The following SYT14 variants were observed in gnomAD, a reference collection of about 807,000 sequenced individuals.
SYT14 encodes the protein synaptotagmin 14.
Under a neutral mutation model 74.2 loss-of-function variants are expected in SYT14, and 32 were observed. The observed-to-expected ratio is 0.43, with a 90% CI of 0.33 to 0.58. The LOEUF is 0.58. SYT14 is among the 20% of genes least tolerant of loss of function. The probability of loss-of-function intolerance (pLI) is 0.05; values close to 1 mark genes in which losing one functional copy is unlikely to be tolerated. For synonymous variants in SYT14, 298 were observed against 337.7 expected (o/e 0.88, Z 1.29); for missense variants, 791 against 981.8 (o/e 0.81, Z 2.60).
At chr1:210,046,787 G>A (rs985839750) in intron 5 of SYT14, among the ~76,000 whole-genome samples, 2 of 152,060 alleles carry the variant, frequency 1.3e-5, no homozygotes, top group Non-Finnish European at 2.9e-5. Flanking sequence ...GGCATTTCCA[G>A]TTTTTTACTA....
intron 2 of SYT14, among the ~76,000 whole-genome samples, chr1:209,962,920 G>A (rs2079099168): frequency 6.6e-6 from 1 of 152,236 alleles, no homozygotes; most frequent in East Asian, 1.9e-4. Context: ...TCTAATGGCT[G>A]TATGAGTTGG....
intron 2 of SYT14, among the ~76,000 whole-genome samples, chr1:209,972,789 G>A (rs1031649968): frequency 6.6e-6 from 1 of 152,184 alleles, no homozygotes; most frequent in African/African-American, 2.4e-5. Context: ...CTTAGAGTGT[G>A]TTCTGTGTGC....
chr1:209,990,580 T>TATACGTA (rs1344879550), intron 2 of SYT14, among the ~76,000 whole-genome samples: 1 of 143,256 alleles, frequency 7.0e-6, no homozygotes, highest in African/African-American at 2.5e-5. Context: ...TGTATGTATA[T>TATACGTA]TTCTTGTTTT....
At chr1:210,169,629 C>T (rs112198575) in exon 10 of SYT14, 3 of 151,998 alleles carry the variant, frequency 2.0e-5, no homozygotes, top group African/African-American at 7.2e-5. Flanking sequence ...ATAGTGGCAA[C>T]GATTTTGAGG....
At chr1:210,171,273 G>A (rs1027101832) in exon 10 of SYT14, 2 of 152,102 alleles carry the variant, frequency 1.3e-5, no homozygotes, top group African/African-American at 4.8e-5. Context: ...TAAACGTTTG[G>A]TGCTCTAAAA....
At chr1:210,146,683 ATATG>A (rs1019459892) in intron 7 of SYT14, among the ~76,000 whole-genome samples, 1 of 151,626 alleles carries the variant, frequency 6.6e-6, no homozygotes, top group Non-Finnish European at 1.5e-5. Flanking sequence ...CATATATACT[ATATG>A]TAGTATATAT....
chr1:209,972,642 G>T (rs2079276602), intron 2 of SYT14, among the ~76,000 whole-genome samples: 1 of 152,116 alleles, frequency 6.6e-6, no homozygotes, highest in South Asian at 2.1e-4. Flanking sequence ...TAATTTCCAT[G>T]AAATTGTGTG....
exon 10 of SYT14, chr1:210,161,005 A>C (rs754630501): frequency 6.2e-7 from 1 of 1,613,862 alleles, no homozygotes; most frequent in Non-Finnish European, 8.5e-7. Flanking sequence ...TCAAAAGGAC[A>C]GCAAGTATGT....
intron 5 of SYT14, among the ~76,000 whole-genome samples, chr1:210,035,029 T>C (rs919180610): frequency 4.6e-5 from 7 of 151,876 alleles, no homozygotes; most frequent in African/African-American, 1.7e-4. Flanking sequence ...AGATCTACTT[T>C]TAATTGTTTC....
At chr1:210,119,940 A>G (rs999531013) in intron 7 of SYT14, among the ~76,000 whole-genome samples, 2 of 152,210 alleles carry the variant, frequency 1.3e-5, no homozygotes, top group African/African-American at 4.8e-5. Flanking sequence ...CTCTGAGATA[A>G]AACGGGTGTC....
chr1:210,076,301 T>C (rs1294863660), intron 5 of SYT14, among the ~76,000 whole-genome samples: 3 of 152,192 alleles, frequency 2.0e-5, no homozygotes, highest in Non-Finnish European at 2.9e-5. Context: ...CTGAATGACT[T>C]GATATGAGCA....
intron 5 of SYT14, among the ~76,000 whole-genome samples, chr1:210,059,451 T>TATATATATATATATAGAGAG (rs377050610): frequency 6.7e-4 from 47 of 69,888 alleles, no homozygotes; most frequent in African/African-American, 7.1e-4. Flanking sequence ...TATATATATA[T>TATATATATATATATAGAGAG]AGAGAGAGAG....
intron 5 of SYT14, among the ~76,000 whole-genome samples, chr1:210,074,711 G>T (rs1295080687): frequency 1.3e-5 from 2 of 152,242 alleles, no homozygotes; most frequent in Admixed American, 6.5e-5. Context: ...CCCTCTCAGG[G>T]CGTGTGATGG....
intron 7 of SYT14, among the ~76,000 whole-genome samples, chr1:210,143,525 A>G (rs2082964781): frequency 6.6e-6 from 1 of 152,048 alleles, no homozygotes; most frequent in South Asian, 2.1e-4. Flanking sequence ...AATGTCATAT[A>G]TTATTTAGCG....
At chr1:209,990,945 GTAGAA>G (rs2079672904) in intron 2 of SYT14, among the ~76,000 whole-genome samples, 1 of 151,972 alleles carries the variant, frequency 6.6e-6, no homozygotes, top group Admixed American at 6.6e-5. Flanking sequence ...TCGCAGATTA[GTAGAA>G]TAGAATAGAG....
At chr1:209,953,301 T>C (rs1436378832) in intron 2 of SYT14, 2 of 1,255,524 alleles carry the variant, frequency 1.6e-6, no homozygotes, top group Non-Finnish European at 2.1e-6. Flanking sequence ...TCAGGTATTC[T>C]CTAGATTTGG....
At chr1:210,051,213 T>C (rs538126289) in intron 5 of SYT14, among the ~76,000 whole-genome samples, 1 of 152,338 alleles carries the variant, frequency 6.6e-6, no homozygotes. Context: ...GTATTGCTAC[T>C]TAAATGCCAG....
At chr1:210,059,451 T>TAGAGAGAGAGAGAGAG (rs1553272603) in intron 5 of SYT14, among the ~76,000 whole-genome samples, 33 of 69,896 alleles carry the variant, frequency 4.7e-4, no homozygotes, top group African/African-American at 1.3e-3. Context: ...TATATATATA[T>TAGAGAGAGAGAGAGAG]AGAGAGAGAG....
At chr1:209,939,502 A>G (rs542506998) in intron 1 of SYT14, among the ~76,000 whole-genome samples, 25 of 152,344 alleles carry the variant, frequency 1.6e-4, no homozygotes, top group African/African-American at 6.0e-4. Flanking sequence ...TATGCAAGAC[A>G]CATTCAGACA....
Sources: allele counts gnomAD v4.1 joint callset (sites outside exome capture counted in the v4.1 genomes callset), GRCh38; gene constraint gnomAD v4.1.1; transcripts MANE v1.5; gene names NCBI Gene and HGNC (gene_info 2026-07-23, HGNC 2026-07-21).